MTCH1: variants seen among roughly 807,000 people sequenced by gnomAD.
MTCH1 encodes mitochondrial carrier 1.
MTCH1 carries 23 observed loss-of-function variants against 49.3 expected under a neutral mutation model. The observed-to-expected ratio is 0.47, with a 90% confidence interval of 0.34 to 0.66. MTCH1 has a LOEUF of 0.66. Among genes scored for constraint, MTCH1 ranks in the 30% least tolerant of loss-of-function variants. MTCH1 has a pLI of 0.01. For synonymous variants in MTCH1, 229 were observed against 215.2 expected, an observed-to-expected ratio of 1.06 and a Z score of -0.56; for missense variants, 397 against 532.1, an observed-to-expected ratio of 0.75 and a Z score of 2.50.
intron 7 of MTCH1, among the ~76,000 whole-genome samples, chr6:36,974,438 C>CA (rs1198892442): frequency 6.6e-6 from 1 of 152,300 alleles, no homozygotes; most frequent in East Asian, 1.9e-4. Context: ...CTCCTGGCCT[C>CA]AAGTAATCCT....
Position 36,986,010 on chromosome 6 carries a change from C to T in MTCH1, c.164G>A (p.Arg55Gln). 1.3e-6 allele frequency: 2 copies of T among 1,527,458 alleles called. No individual in the cohort carries two copies. The highest frequency in any genetic ancestry group is 1.8e-6 in the Non-Finnish European group (2 of 1,139,744). The allele number at this position is 1,527,458 out of a possible 1,614,324, so 94.6% of individuals were successfully genotyped here. A position where few individuals can be genotyped will look rare whatever the true frequency, so the allele number is the denominator to read the frequency against. Reference sequence around the variant, plus strand: ...GCGGGCCGAGGGCTGAGCCGCAGGCCGAGGGTGGCGAGGATGTGCGCGGTG... The same window carrying T: ...GCGGGCCGAGGGCTGAGCCGCAGGCTGAGGGTGGCGAGGATGTGCGCGGTG... The part of the protein sequence containing the change: ...PAHRAHPRHP[R>Q]PAAQPSARRM... Residue 55 changes from arginine to glutamine, a missense_variant, in exon 1 of 12, where the codon CGG becomes CAG. Physicochemically the swap from Arg to Gln is conservative, Grantham distance 43. Coordinates refer to ENST00000373627, the MANE Select transcript of MTCH1 (RefSeq NM_001271641.2).
intron 1 of MTCH1, among the ~76,000 whole-genome samples, chr6:36,983,237 G>A (rs1223323792): frequency 6.6e-6 from 1 of 152,204 alleles, no homozygotes; most frequent in East Asian, 1.9e-4. Flanking sequence ...CCCAGGCAGT[G>A]AGTACTTCCC....
rs1764094776 is a variant in MTCH1 at position 36,981,613 on chromosome 6, G to A, written c.381C>T (p.Leu127=). ...CGTAGGTGAAGAAGCTCGGCAGATA[G>A]AGGACCTTCCTCCCCAGCACATTGG... ...LGTNVLGRKV[L]YLPSFFTYAK... The change falls in exon 2 of 12, where the codon CTC becomes CTT. Residue 127 remains leucine, a synonymous_variant. Coordinates refer to ENST00000373627, the MANE Select transcript of MTCH1 (RefSeq NM_001271641.2). The A allele has an allele frequency of 1.2e-6, 2 of 1,614,070 alleles. No individual in the cohort carries two copies. The highest frequency in any genetic ancestry group is 1.7e-6 in the Non-Finnish European group (2 of 1,179,968).
intron 2 of MTCH1, among the ~76,000 whole-genome samples, chr6:36,980,441 G>C (rs1201179366): frequency 6.6e-6 from 1 of 152,198 alleles, no homozygotes; most frequent in East Asian, 1.9e-4. Flanking sequence ...CTACACAATG[G>C]TGGGGTGCCT....
chr6:36,975,654 G>A lies in MTCH1; in HGVS notation c.761+4C>T, dbSNP rs1185365411. On this transcript the variant is annotated splice_donor_region_variant and intron_variant, in intron 7 of 11. Coordinates refer to ENST00000373627, the MANE Select transcript of MTCH1 (RefSeq NM_001271641.2). ...CCAGTTATGGGGTGTATAAACTCACGTACACGAAGAATCCCAGCAGCCCTT... is the reference window on the plus strand; with the variant it reads ...CCAGTTATGGGGTGTATAAACTCACATACACGAAGAATCCCAGCAGCCCTT... 33 of 1,613,808 alleles carry A rather than the reference G, an allele frequency of 2.0e-5. No individual in the cohort carries two copies. The highest frequency in any genetic ancestry group is 2.5e-5 in the Non-Finnish European group (30 of 1,179,824).
At position 36,977,403 on chromosome 6, in the gene MTCH1, AC is replaced by A. The variant is rs2150749555; in HGVS notation, c.650-154del. On this transcript the variant is annotated intron_variant, in intron 5 of 11. Transcript: ENST00000373627. The surrounding 1 kb of genome is among the most constrained non-coding windows in gnomAD (Gnocchi z 5.4). ...GAGGGCCTTTCGGATTCCCTGTTAC[AC>A]CCCATGACCACAGCATGCCATTTCT... Among the ~76,000 whole-genome samples the A allele has an allele frequency of 6.6e-6, 1 of 152,034 alleles. No individual in the cohort carries two copies. The highest frequency in any genetic ancestry group is 1.9e-4 in the East Asian group (1 of 5,160).
chr6:36,985,318 C>G (rs544902690), intron 1 of MTCH1, among the ~76,000 whole-genome samples: 1 of 152,046 alleles, frequency 6.6e-6, no homozygotes, highest in South Asian at 2.1e-4. Flanking sequence ...TTGTCCCCAC[C>G]CCAAGACGTT....
intron 11 of MTCH1, chr6:36,969,494 A>G: frequency 9.3e-7 from 1 of 1,080,758 alleles, no homozygotes; most frequent in Non-Finnish European, 1.1e-6. Flanking sequence ...TGGGCCCAAG[A>G]GCTCCAGCTA....
intron 10 of MTCH1, 58 bp from the exon 11 acceptor site, chr6:36,970,172 A>G (rs1350262888): frequency 4.5e-6 from 7 of 1,572,146 alleles, no homozygotes; most frequent in Non-Finnish European, 6.1e-6. Context: ...AGCCACGGGA[A>G]AGCCACTTCA....
At chr6:36,976,749 A>C (rs918745713) in intron 6 of MTCH1, among the ~76,000 whole-genome samples, 1 of 152,148 alleles carries the variant, frequency 6.6e-6, no homozygotes, top group Non-Finnish European at 1.5e-5. Flanking sequence ...GATCTAGGTG[A>C]GGGTCTGGTA....
At chr6:36,980,879 C>T (rs1273470878) in intron 2 of MTCH1, among the ~76,000 whole-genome samples, 1 of 152,196 alleles carries the variant, frequency 6.6e-6, no homozygotes, top group South Asian at 2.1e-4. Context: ...CCTGGCCAGA[C>T]GGCACCTGTG....
intron 3 of MTCH1, 137 bp downstream of exon 3, chr6:36,978,368 G>C: frequency 1.1e-6 from 1 of 919,668 alleles, no homozygotes; most frequent in Non-Finnish European, 1.7e-6. Flanking sequence ...TGGGGTGGGA[G>C]CTCCCCCATG....
chr6:36,983,175 G>GA (rs545728323), intron 1 of MTCH1, among the ~76,000 whole-genome samples: 30 of 152,272 alleles, frequency 2.0e-4, no homozygotes, highest in Non-Finnish European at 3.5e-4. Flanking sequence ...GTCTTTAAAA[G>GA]AAAAAAATTT....
chr6:36,981,748 T>C (rs1764102279), intron 1 of MTCH1, 76 bp from the exon 2 acceptor site: 1 of 1,238,228 alleles, frequency 8.1e-7, no homozygotes, highest in Non-Finnish European at 1.1e-6. Flanking sequence ...CTCACACCTC[T>C]TGCCCCCTTT....
chr6:36,974,858 T>C (rs1763809737), intron 7 of MTCH1, among the ~76,000 whole-genome samples: 1 of 152,230 alleles, frequency 6.6e-6, no homozygotes, highest in Non-Finnish European at 1.5e-5. Context: ...GATACTGTTG[T>C]ATACCATGTG....
At position 36,968,590 on chromosome 6, in the gene MTCH1, G is replaced by C. The variant is rs946176843; in HGVS notation, c.*313C>G. ...CATTAGCCTTTCCCCATCCAACCTG[G>C]GCCCCCATAAGCCATTCTCTGGCCC... On this transcript the variant is annotated 3_prime_UTR_variant, in exon 12 of 12. Transcript: ENST00000373627. 9.5e-6 allele frequency: 4 copies of C among 422,952 alleles called. No individual in the cohort carries two copies. The highest frequency in any genetic ancestry group is 5.7e-5 in the South Asian group (3 of 52,390). The allele number at this position is 422,952 out of a possible 1,614,324, so 26.2% of individuals were successfully genotyped here. A position where few individuals can be genotyped will look rare whatever the true frequency, so the allele number is the denominator to read the frequency against.
Position 36,977,584 on chromosome 6 carries a change from GC to G in MTCH1, c.649+49del, listed in dbSNP as rs746664111. On this transcript the variant is annotated intron_variant, in intron 5 of 11. Coordinates refer to ENST00000373627, the MANE Select transcript of MTCH1 (RefSeq NM_001271641.2). The surrounding 1 kb of genome is among the most constrained non-coding windows in gnomAD (Gnocchi z 5.4). ...CACGAGGGGGCGCCCCTCACCCCAC[GC>G]CCCCGACGCCAGCTTAGATACAGTC... The G allele has an allele frequency of 4.1e-5, 56 of 1,368,944 alleles. No individual in the cohort carries two copies. The highest frequency in any genetic ancestry group is 5.3e-5 in the Non-Finnish European group (52 of 976,474). 84.8% of individuals were successfully genotyped at this position (1,368,944 alleles called of 1,614,324 possible).
Position 36,968,751 on chromosome 6 carries a change from G to T in MTCH1, c.*152C>A. On this transcript the variant is annotated 3_prime_UTR_variant, in exon 12 of 12. Coordinates refer to ENST00000373627, the MANE Select transcript of MTCH1 (RefSeq NM_001271641.2). ...CCCACCCCCGCTCAACCCCACATCT[G>T]GACAGACACATGGCAAATATGGAAC... 8.0e-7 allele frequency: 1 copy of T among 1,251,792 alleles called. No individual in the cohort carries two copies. The highest frequency in any genetic ancestry group is 1.1e-6 in the Non-Finnish European group (1 of 878,936). The allele number at this position is 1,251,792 out of a possible 1,614,324, so 77.5% of individuals were successfully genotyped here.
In MTCH1 at chr6:36,970,690, C is replaced by G; in HGVS notation, c.911G>C (p.Ser304Thr). 6.2e-7 allele frequency: 1 copy of G among 1,614,122 alleles called. No individual in the cohort carries two copies. Among genetic ancestry groups the G allele is most frequent in the Non-Finnish European group, 8.5e-7 (1 of 1,180,016 alleles). ...GNDQNPGSQF[S>T]QALAIRSYTK... ...ATAGCTCCGGATGGCCAGGGCCTGG[C>G]TGAACTGAGGAGACAGAAGGGAAGA... Residue 304 changes from serine (S) to threonine (T), a missense_variant, in exon 9 of 12, where the codon AGC becomes ACC. By Grantham distance (58) the Ser-to-Thr change is moderately conservative. Transcript: ENST00000373627.
Sources: gnomAD v4.1 joint callset for allele counts (sites outside exome capture counted in the v4.1 genomes callset) on GRCh38, gnomAD v4.1.1 for gene constraint, Gnocchi (gnomAD v3.1) non-coding constraint, MANE v1.5 for transcripts, NCBI Gene and HGNC (gene_info 2026-07-23, HGNC 2026-07-21) for gene names.